SCARA3: variants seen among roughly 807,000 people sequenced by gnomAD.
SCARA3 encodes cellular stress response gene protein.
A neutral mutation model predicts 47.0 loss-of-function variants in SCARA3; 39 were observed. The observed-to-expected ratio is 0.83, with a 90% confidence interval of 0.64 to 1.08. SCARA3 has a LOEUF of 1.08. Among genes scored for constraint, SCARA3 ranks in the 50% least tolerant of loss-of-function variants. The pLI, the probability that SCARA3 is intolerant of heterozygous loss-of-function variation, is 0.00. For missense variants in SCARA3, 724 were observed against 792.3 expected, an observed-to-expected ratio of 0.91 and a Z score of 1.04; for synonymous variants, 356 against 334.1, an observed-to-expected ratio of 1.07 and a Z score of -0.71.
chr8:27,656,955 G>A, intron 4 of SCARA3, 75 bp downstream of exon 4: 1 of 924,536 alleles, frequency 1.1e-6, no homozygotes, highest in Middle Eastern at 2.2e-4. Context: ...ACGCTACAGT[G>A]CCCCAGCACC....
the SCARA3 span, among the ~76,000 whole-genome samples, chr8:27,727,886 T>C: frequency 6.6e-6 from 1 of 152,070 alleles, no homozygotes; most frequent in African/African-American, 2.4e-5. Context: ...GATGTGACAA[T>C]TTAAAGGACT....
chr8:27,719,165 C>T, the SCARA3 span, among the ~76,000 whole-genome samples: 1 of 152,172 alleles, frequency 6.6e-6, no homozygotes, highest in African/African-American at 2.4e-5. Flanking sequence ...TATCCTTTGT[C>T]AGAATGAAGG....
the SCARA3 span, among the ~76,000 whole-genome samples, chr8:27,723,484 C>G: frequency 6.6e-6 from 1 of 152,198 alleles, no homozygotes; most frequent in East Asian, 1.9e-4. Context: ...GAGTCTTAAT[C>G]TCACTCCGAC....
chr8:27,715,054 G>A, the SCARA3 span, among the ~76,000 whole-genome samples: 24 of 151,974 alleles, frequency 1.6e-4, 1 homozygote, highest in East Asian at 1.9e-4. The surrounding 1 kb of genome is among the most constrained non-coding windows in gnomAD (Gnocchi z 4.2). Context: ...TGAGTAGCTG[G>A]GACTATAGAC....
chr8:27,659,183 G>T lies in SCARA3; in HGVS notation c.1013G>T (p.Arg338Leu). ...TACCATACCCACTACGCCCAGAACC[G>T]CACTGTGGAGAGGTTTGAGTCTCTG... ...LQYHTHYAQN[R>L]TVERFESLEG... Residue 338 changes from arginine (R) to leucine (L), a missense_variant, in exon 5 of 6, where the codon CGC becomes CTC. By Grantham distance (102) the Arg-to-Leu change is moderately radical. Transcript: ENST00000301904. 4 of 1,614,076 alleles carry T rather than the reference G, an allele frequency of 2.5e-6. No individual in the cohort carries two copies. The highest frequency in any genetic ancestry group is 2.5e-6 in the Non-Finnish European group (3 of 1,179,996).
chr8:27,663,286 C>T (rs1175117557), intron 5 of SCARA3, among the ~76,000 whole-genome samples: 3 of 152,214 alleles, frequency 2.0e-5, no homozygotes, highest in South Asian at 2.1e-4. Context: ...ACCTACATGT[C>T]CTGCAGAACC....
At position 27,641,237 on chromosome 8, in the gene SCARA3, A is replaced by G. The variant is rs34383168; in HGVS notation, c.7+7030A>G. The stretch of plus-strand genomic sequence containing the variant: ...GGGCACTCGCCCTTGCAGTATTGAC[A>G]GAGGGTGCCAGGCTACTCAGAATGC... On this transcript the variant is annotated intron_variant, in intron 1 of 5. Transcript: ENST00000301904. Among the ~76,000 whole-genome samples, 443 of 152,370 alleles carry G rather than the reference A, an allele frequency of 2.9e-3. 2 individuals are homozygous for G. Among genetic ancestry groups the G allele is most frequent in the African/African-American group, 0.01 (423 of 41,592 alleles).
chr8:27,669,225 C>A (rs570744871), intron 5 of SCARA3, among the ~76,000 whole-genome samples: 1 of 152,140 alleles, frequency 6.6e-6, no homozygotes. Context: ...CCCTTGGAAG[C>A]TGAGTGAGCA....
rs1380575171 is a variant in SCARA3, at chr8:27,658,487, C to T, written c.326-9C>T. The T allele has an allele frequency of 6.3e-7, 1 of 1,588,188 alleles. No individual in the cohort carries two copies. The highest frequency in any genetic ancestry group is 1.4e-5 in the African/African-American group (1 of 73,968). Reference sequence around the variant, plus strand: ...CAGCAACTCAAACTGTTATCCCTTTCCCCTAAAGATCCGAAAGCCCTGAAC... The same window carrying T: ...CAGCAACTCAAACTGTTATCCCTTTTCCCTAAAGATCCGAAAGCCCTGAAC... On this transcript the variant is annotated splice_polypyrimidine_tract_variant and intron_variant, in intron 4 of 5. Coordinates refer to ENST00000301904, the MANE Select transcript of SCARA3 (RefSeq NM_016240.3).
chr8:27,651,564 G>C lies in SCARA3; in HGVS notation c.163G>C (p.Val55Leu). ...CQKNLSLHTS[V>L]RILYLFLALL... ...GAAGAACCTATCTTTGCACACATCG[G>C]TGCGGATTCTTTACCTCTTCCTGGC... The change falls in exon 3 of 6, where the codon GTG becomes CTG. Residue 55 changes from valine to leucine, a missense_variant. By Grantham distance (32) the Val-to-Leu change is conservative. Transcript: ENST00000301904. 1 of 1,614,102 alleles carries C rather than the reference G, an allele frequency of 6.2e-7. No individual in the cohort carries two copies. Among genetic ancestry groups the C allele is most frequent in the Non-Finnish European group, 8.5e-7 (1 of 1,180,036 alleles).
At chr8:27,698,361 G>C in the SCARA3 span, among the ~76,000 whole-genome samples, 1 of 152,142 alleles carries the variant, frequency 6.6e-6, no homozygotes, top group Non-Finnish European at 1.5e-5. Context: ...ACTGGAGATT[G>C]GATTTATAAT....
At chr8:27,649,607 A>C in intron 1 of SCARA3, 95 bp from the exon 2 acceptor site, 4 of 1,128,822 alleles carry the variant, frequency 3.5e-6, no homozygotes, top group Non-Finnish European at 5.3e-6. Context: ...GCTCAGGGGT[A>C]GAGGTGGGCA....
At chr8:27,661,911 C>G (rs528344490) in intron 5 of SCARA3, among the ~76,000 whole-genome samples, 18 of 152,202 alleles carry the variant, frequency 1.2e-4, no homozygotes, top group Non-Finnish European at 2.5e-4. Flanking sequence ...CATCCTCTTC[C>G]TTACTTCCAT....
At chr8:27,726,050 C>T in the SCARA3 span, among the ~76,000 whole-genome samples, 1 of 152,158 alleles carries the variant, frequency 6.6e-6, no homozygotes, top group Non-Finnish European at 1.5e-5. Flanking sequence ...TAGGGAGTCG[C>T]AGAGGTCACA....
chr8:27,675,899 G>A (rs528087870), downstream of SCARA3, among the ~76,000 whole-genome samples: 3 of 152,222 alleles, frequency 2.0e-5, no homozygotes, highest in Admixed American at 2.0e-4. Flanking sequence ...GACGGGGTGT[G>A]GGGAGGTGGG....
chr8:27,669,177 G>A (rs1802087500), intron 5 of SCARA3, among the ~76,000 whole-genome samples: 1 of 152,206 alleles, frequency 6.6e-6, no homozygotes, highest in African/African-American at 2.4e-5. Context: ...AGACAGGGAG[G>A]AGGGAGTGGC....
intron 1 of SCARA3, among the ~76,000 whole-genome samples, chr8:27,641,894 A>G (rs1801389686): frequency 6.6e-6 from 1 of 152,226 alleles, no homozygotes. Flanking sequence ...AGGTGATGTC[A>G]TTGTCCAGAA....
intron 5 of SCARA3, among the ~76,000 whole-genome samples, chr8:27,669,634 C>A (rs1256709134): frequency 6.6e-6 from 1 of 152,260 alleles, no homozygotes. Flanking sequence ...GCCACGTGAG[C>A]CATGCAGGGC....
the SCARA3 span, among the ~76,000 whole-genome samples, chr8:27,686,442 T>C: frequency 2.7e-5 from 4 of 150,014 alleles, no homozygotes; most frequent in African/African-American, 9.8e-5. Context: ...AGACTCTGTC[T>C]CTTAAAAAAA....
Sources: gnomAD v4.1 joint callset for allele counts (sites outside exome capture counted in the v4.1 genomes callset) on GRCh38, gnomAD v4.1.1 for gene constraint, Gnocchi (gnomAD v3.1) non-coding constraint, MANE v1.5 for transcripts, NCBI Gene and HGNC (gene_info 2026-07-23, HGNC 2026-07-21) for gene names.